Variants in LYRM4 observed in about 807,000 individuals in gnomAD.
LYRM4 encodes the protein LYR motif-containing protein 4.
Under a neutral mutation model 11.7 loss-of-function variants are expected in LYRM4, and 9 were observed. That is an observed-to-expected ratio of 0.77 (90% CI 0.46 to 1.34). LYRM4 has a LOEUF of 1.34. Ranked by LOEUF, LYRM4 falls within the 40% of genes most tolerant of loss-of-function variation. The pLI, the probability that LYRM4 is intolerant of heterozygous loss-of-function variation, is 0.00. For synonymous variants in LYRM4, 42 were observed against 40.4 expected (o/e 1.04, Z -0.15); for missense variants, 133 against 112.5 (o/e 1.18, Z -0.82).
chr6:5,242,552 C>A (rs1763945438), intron 1 of LYRM4, among the ~76,000 whole-genome samples: 1 of 151,056 alleles, frequency 6.6e-6, no homozygotes, highest in Non-Finnish European at 1.5e-5. Context: ...AAACCCCCAA[C>A]TCTATTAAAA....
the LYRM4 span, chr6:5,043,293 A>C: frequency 3.9e-5 from 6 of 152,164 alleles, no homozygotes; most frequent in Non-Finnish European, 7.3e-5. Flanking sequence ...TCTGCAATCC[A>C]CCAAGATATT....
chr6:5,156,847 T>C (rs923057374), intron 2 of LYRM4, among the ~76,000 whole-genome samples: 7 of 152,200 alleles, frequency 4.6e-5, no homozygotes, highest in Admixed American at 6.5e-5. Flanking sequence ...CAGGCGCAGC[T>C]CTGCAGCTGC....
chr6:5,192,063 A>T lies in LYRM4; in HGVS notation c.207+24555T>A, dbSNP rs547689326. On this transcript the variant is annotated intron_variant, in intron 2 of 2. Transcript: ENST00000330636. ...TTGATGCTTGCATGGATTCTGGATTAAAAAAGTTATAAAAGATATTATAGG... is the reference window on the plus strand; with the variant it reads ...TTGATGCTTGCATGGATTCTGGATTTAAAAAGTTATAAAAGATATTATAGG... Among the ~76,000 whole-genome samples, 46 of 152,342 alleles carry T rather than the reference A, an allele frequency of 3.0e-4. No individual in the cohort carries two copies. The South Asian group carries it at 8.1e-3, about 27-fold the overall frequency.
chr6:5,188,733 C>G (rs1175636324), intron 2 of LYRM4, among the ~76,000 whole-genome samples: 1 of 151,680 alleles, frequency 6.6e-6, no homozygotes, highest in Non-Finnish European at 1.5e-5. Context: ...GCTTGGTACA[C>G]AGTAAGAACT....
At chr6:5,032,160 C>T in the LYRM4 span, 1 of 152,148 alleles carries the variant, frequency 6.6e-6, no homozygotes, top group South Asian at 2.1e-4. Context: ...GATTCAAGAG[C>T]TTCATACGTA....
intron 1 of LYRM4, among the ~76,000 whole-genome samples, chr6:5,218,062 C>A (rs895581098): frequency 2.6e-5 from 4 of 151,762 alleles, no homozygotes; most frequent in Non-Finnish European, 5.9e-5. Flanking sequence ...CACCCACCAC[C>A]ACGCCTGGCT....
At chr6:5,180,706 A>G (rs1760021457) in intron 2 of LYRM4, among the ~76,000 whole-genome samples, 1 of 152,158 alleles carries the variant, frequency 6.6e-6, no homozygotes, top group Non-Finnish European at 1.5e-5. Flanking sequence ...GGACCTGGTG[A>G]CCAATCACTG....
chr6:5,083,228 C>T, the LYRM4 span, among the ~76,000 whole-genome samples: 1 of 152,224 alleles, frequency 6.6e-6, no homozygotes. Flanking sequence ...GTCGCCACCA[C>T]CTCAAAATCT....
At chr6:5,250,946 G>T (rs529677823) in intron 1 of LYRM4, among the ~76,000 whole-genome samples, 2 of 152,266 alleles carry the variant, frequency 1.3e-5, no homozygotes, top group South Asian at 2.1e-4. Context: ...TCTGTAATAC[G>T]ATATATGACA....
downstream of LYRM4, among the ~76,000 whole-genome samples, chr6:5,101,949 T>C (rs377537811): frequency 3.1e-4 from 46 of 149,460 alleles, no homozygotes; most frequent in African/African-American, 1.1e-3. Context: ...ACGAAAACAC[T>C]ACATCCAACT....
chr6:5,124,998 C>T (rs536366272), intron 2 of LYRM4, among the ~76,000 whole-genome samples: 9 of 152,318 alleles, frequency 5.9e-5, no homozygotes, highest in African/African-American at 1.9e-4. Context: ...GTCCCCAGCA[C>T]CTAGCAGTGC....
chr6:5,120,621 G>A (rs887070700), intron 2 of LYRM4, among the ~76,000 whole-genome samples: 2 of 152,170 alleles, frequency 1.3e-5, no homozygotes, highest in Non-Finnish European at 1.5e-5. Context: ...CTCTGCCCAT[G>A]TCCTGCTGAT....
At chr6:5,060,526 G>A in the LYRM4 span, among the ~76,000 whole-genome samples, 2 of 147,736 alleles carry the variant, frequency 1.4e-5, no homozygotes, top group South Asian at 2.1e-4. Flanking sequence ...TTGAGACAAA[G>A]TCTCACTGTG....
chr6:5,066,714 C>T, the LYRM4 span: 1 of 839,112 alleles, frequency 1.2e-6, no homozygotes, highest in African/African-American at 1.7e-5. Flanking sequence ...ATTTTGTTTT[C>T]TCCATACGAT....
At chr6:5,062,420 T>C in the LYRM4 span, among the ~76,000 whole-genome samples, 2 of 151,936 alleles carry the variant, frequency 1.3e-5, no homozygotes, top group Non-Finnish European at 2.9e-5. Flanking sequence ...CACCTCAGCC[T>C]CCCAAAGTGC....
intron 1 of LYRM4, among the ~76,000 whole-genome samples, chr6:5,220,803 A>G (rs1031913575): frequency 6.6e-6 from 1 of 152,170 alleles, no homozygotes; most frequent in African/African-American, 2.4e-5. Flanking sequence ...ATGTCTAAAG[A>G]GCACTCATTG....
At chr6:5,154,539 G>T (rs571032941) in intron 2 of LYRM4, among the ~76,000 whole-genome samples, 1 of 151,776 alleles carries the variant, frequency 6.6e-6, no homozygotes, top group Non-Finnish European at 1.5e-5. Flanking sequence ...GGATTCGGCC[G>T]GGCGCGGTGG....
chr6:5,232,237 C>T (rs981366118), intron 1 of LYRM4, among the ~76,000 whole-genome samples: 1 of 152,246 alleles, frequency 6.6e-6, no homozygotes, highest in Non-Finnish European at 1.5e-5. Context: ...TCTCTCCCTT[C>T]AGGGCACACT....
chr6:5,110,637 T>C (rs528488432), intron 2 of LYRM4, among the ~76,000 whole-genome samples: 1 of 152,118 alleles, frequency 6.6e-6, no homozygotes, highest in South Asian at 2.1e-4. Flanking sequence ...AGTGGAGATA[T>C]GGGGGATGGG....
Sources: gnomAD v4.1 joint callset for allele counts (sites outside exome capture counted in the v4.1 genomes callset) on GRCh38, gnomAD v4.1.1 for gene constraint, MANE v1.5 for transcripts, NCBI Gene and HGNC (gene_info 2026-07-23, HGNC 2026-07-21) for gene names.